Variants in PSMD1 observed in about 807,000 individuals in gnomAD.
The protein encoded by PSMD1 is 26S proteasome non-ATPase regulatory subunit 1.
Under a neutral mutation model 119.0 loss-of-function variants are expected in PSMD1, and 18 were observed. The observed-to-expected ratio is 0.15, with a 90% CI of 0.10 to 0.22. The LOEUF (loss-of-function observed/expected upper bound fraction) is 0.22. PSMD1 is among the 10% of genes least tolerant of loss of function. The pLI is 1.00. For synonymous variants in PSMD1, 374 were observed against 396.6 expected (o/e 0.94, Z 0.68); for missense variants, 702 against 1,158.5 (o/e 0.61, Z 5.72).
chr2:231,165,037 TATATATATATATA>T (rs1559255864), intron 21 of PSMD1, 150 bp from the exon 22 acceptor site: 212 of 7,984 alleles, frequency 0.027, 10 homozygotes, highest in Non-Finnish European at 0.032. Context: ...TATATATTTA[TATATATATATATA>T]TATATATATA....
intron 16 of PSMD1, among the ~76,000 whole-genome samples, chr2:231,124,432 C>A (rs775896668): frequency 1.3e-5 from 2 of 151,874 alleles, no homozygotes; most frequent in Non-Finnish European, 2.9e-5. Flanking sequence ...TTTTAGTATG[C>A]GCTGGCCACC....
chr2:231,143,392 G>C (rs1696176127), intron 17 of PSMD1, among the ~76,000 whole-genome samples: 1 of 152,134 alleles, frequency 6.6e-6, no homozygotes, highest in African/African-American at 2.4e-5. Flanking sequence ...ACCACGCCCA[G>C]CTAATTTTTG....
rs76327718 is a variant in PSMD1, at chr2:231,163,865, A to C, written c.2481+138A>C. On this transcript the variant is annotated intron_variant, in intron 21 of 24. Transcript: ENST00000308696. Reference sequence around the variant, plus strand: ...ACATTTGACATTACACAAGAATATGAAGTGAAAGTCCTTTTTGTCTCTTGG... The same window carrying C: ...ACATTTGACATTACACAAGAATATGCAGTGAAAGTCCTTTTTGTCTCTTGG... The C allele has an allele frequency of 6.9e-3, 4,621 of 666,976 alleles. 174 individuals carry two copies. The African/African-American group carries it at 0.076, about 11-fold the overall frequency. The allele number at this position is 666,976 out of a possible 1,614,324, so 41.3% of individuals were successfully genotyped here. A position where few individuals can be genotyped will look rare whatever the true frequency, so the allele number is the denominator to read the frequency against.
intron 16 of PSMD1, among the ~76,000 whole-genome samples, chr2:231,116,115 A>T (rs1251035676): frequency 6.6e-6 from 1 of 152,012 alleles, no homozygotes; most frequent in Non-Finnish European, 1.5e-5. Flanking sequence ...AATCAATTGG[A>T]TTTTCTCACT....
intron 2 of PSMD1, 150 bp from the exon 3 acceptor site, chr2:231,062,098 G>C (rs1278188822): frequency 3.5e-6 from 2 of 572,104 alleles, no homozygotes; most frequent in Non-Finnish European, 6.3e-6. Flanking sequence ...TCAAGAAAAA[G>C]TGTAAGTTGG....
chr2:231,073,855 T>C (rs2125163773), intron 7 of PSMD1, among the ~76,000 whole-genome samples: 1 of 152,192 alleles, frequency 6.6e-6, no homozygotes, highest in Non-Finnish European at 1.5e-5. Context: ...TCCTATGACC[T>C]TGATAAAATC....
intron 16 of PSMD1, among the ~76,000 whole-genome samples, chr2:231,115,332 G>T (rs957547072): frequency 6.6e-6 from 1 of 152,118 alleles, no homozygotes; most frequent in Non-Finnish European, 1.5e-5. Context: ...TATCCAGAAG[G>T]TAGCAAGGCT....
chr2:231,136,939 ATATAT>A (rs1056062507), intron 16 of PSMD1, among the ~76,000 whole-genome samples: 4 of 145,044 alleles, frequency 2.8e-5, no homozygotes, highest in Admixed American at 1.4e-4. Context: ...TATATATAAT[ATATAT>A]TATATTTACA....
chr2:231,113,410 T>C (rs1695224735), intron 16 of PSMD1, among the ~76,000 whole-genome samples: 1 of 152,362 alleles, frequency 6.6e-6, no homozygotes, highest in East Asian at 1.9e-4. Context: ...ACCATAATTA[T>C]CTGTTGGGAA....
At chr2:231,151,948 G>C (rs529595257) in intron 18 of PSMD1, among the ~76,000 whole-genome samples, 1 of 151,934 alleles carries the variant, frequency 6.6e-6, no homozygotes, top group African/African-American at 2.4e-5. Flanking sequence ...GAGTAGCTGG[G>C]ATTATAGGCG....
At position 231,161,467 on chromosome 2, in the gene PSMD1, T is replaced by C; in HGVS notation, c.2346T>C (p.Ala782=). The stretch of plus-strand genomic sequence containing the variant: ...CTCTTTCACACTTCCTGTCATTGGC[T>C]TATACCCCTACCTGTGTCATTGGCC... ...WFPLSHFLSL[A]YTPTCVIGLN... Residue 782 remains alanine (A), a synonymous_variant, in exon 20 of 25, where the codon GCT becomes GCC. Transcript: ENST00000308696. 1 of 1,614,144 alleles carries C rather than the reference T, an allele frequency of 6.2e-7. No homozygotes were observed. Among genetic ancestry groups the C allele is most frequent in the Non-Finnish European group, 8.5e-7 (1 of 1,180,008 alleles).
intron 16 of PSMD1, among the ~76,000 whole-genome samples, chr2:231,134,471 A>G (rs1695925534): frequency 6.6e-6 from 1 of 152,198 alleles, no homozygotes; most frequent in Non-Finnish European, 1.5e-5. Context: ...GTGTATAATA[A>G]TCACTCAATA....
intron 12 of PSMD1, among the ~76,000 whole-genome samples, chr2:231,082,257 A>G (rs1221740062): frequency 6.6e-6 from 1 of 151,912 alleles, no homozygotes; most frequent in African/African-American, 2.4e-5. Flanking sequence ...GTACAGACCG[A>G]GTCTCCCTAT....
chr2:231,096,900 G>A (rs746059920), intron 16 of PSMD1, among the ~76,000 whole-genome samples: 1 of 152,214 alleles, frequency 6.6e-6, no homozygotes, highest in Non-Finnish European at 1.5e-5. Context: ...ATGAGTTAGG[G>A]TGGAGCAGAT....
At position 231,070,049 on chromosome 2, in the gene PSMD1, T is replaced by G; in HGVS notation, c.535T>G (p.Tyr179Asp). ...ESNDVPGMLA[Y>D]SLKLCMSLMQ... ...GAATGATGTCCCAGGAATGTTAGCT[T>G]ATAGCCTTAAGCTCTGCATGTCTTT... Residue 179 changes from tyrosine to aspartate, a missense_variant, in exon 6 of 25, where the codon TAT (tyrosine) becomes GAT (aspartate). Physicochemically the swap from Tyr to Asp is radical, Grantham distance 160. Around this residue, in one of 9 missense-constraint regions of PSMD1, gnomAD observed 58 missense variants for 54.0 expected, o/e 1.07. Coordinates refer to ENST00000308696, the MANE Select transcript of PSMD1 (RefSeq NM_002807.4). 2.7e-6 allele frequency: 4 copies of G among 1,490,198 alleles called. No homozygotes were observed. In the East Asian group the frequency reaches 9.9e-5, roughly 37 times the overall value. 92.3% of individuals were successfully genotyped at this position (1,490,198 alleles called of 1,614,324 possible). A position where few individuals can be genotyped will look rare whatever the true frequency, so the allele number is the denominator to read the frequency against.
Position 231,170,865 on chromosome 2 carries a change from A to T in PSMD1, c.*9+144A>T. On this transcript the variant is annotated intron_variant, in intron 24 of 24. Transcript: ENST00000308696. The surrounding 1 kb of genome is among the most constrained non-coding windows in gnomAD (Gnocchi z 4.1). ...ACAGTATTAAAACTTCCCCGTTTCA[A>T]CCTTTTTCTGCATATATAACCACAA... is the stretch of plus-strand genomic sequence containing the variant. 1.1e-6 allele frequency: 1 copy of T among 875,188 alleles called. No homozygotes were observed. The allele number at this position is 875,188 out of a possible 1,614,324, so 54.2% of individuals were successfully genotyped here.
At chr2:231,094,365 G>GC (rs1422034652) in intron 16 of PSMD1, among the ~76,000 whole-genome samples, 23 of 152,152 alleles carry the variant, frequency 1.5e-4, no homozygotes, top group Non-Finnish European at 3.4e-4. Context: ...AAGCCAATGG[G>GC]CCAGGCAGTG....
rs769706820 is a variant in PSMD1, at chr2:231,170,744, A to C, written c.*9+23A>C. 3 of 1,550,654 alleles carry C rather than the reference A, an allele frequency of 1.9e-6. No individual in the cohort carries two copies. The South Asian group carries it at 3.7e-5, about 19-fold the overall frequency. ...GAGGTGCGTGTGCAACAAAATTATG[A>C]AGGGAAACTTCTTTGTCAATACTTC... On this transcript the variant is annotated intron_variant, in intron 24 of 24. Transcript: ENST00000308696. The surrounding 1 kb of genome is among the most constrained non-coding windows in gnomAD (Gnocchi z 4.1).
At chr2:231,066,865 C>T in intron 4 of PSMD1, 41 bp from the exon 5 acceptor site, 1 of 1,483,986 alleles carries the variant, frequency 6.7e-7, no homozygotes, top group Non-Finnish European at 9.0e-7. Context: ...GATAGTTTAG[C>T]CCAATTTACA....
Sources: allele counts gnomAD v4.1 joint callset (sites outside exome capture counted in the v4.1 genomes callset), GRCh38; gene constraint gnomAD v4.1.1; regional missense constraint gnomAD v4.1.1; non-coding constraint Gnocchi (gnomAD v3.1); transcripts MANE v1.5; gene names NCBI Gene and HGNC (gene_info 2026-07-23, HGNC 2026-07-21).